The following DCC variants were observed in gnomAD, a reference collection of about 807,000 sequenced individuals.
DCC encodes the protein DCC netrin 1 receptor.
A neutral mutation model predicts 172.5 loss-of-function variants in DCC; 58 were observed. That is an observed-to-expected ratio of 0.34 (90% CI 0.27 to 0.42). The LOEUF is 0.42. Ranked by LOEUF, DCC falls within the 10% of genes least tolerant of loss-of-function variation. The pLI is 1.00. For synonymous variants in DCC, 709 were observed against 644.5 expected, an observed-to-expected ratio of 1.10 and a Z score of -1.52; for missense variants, 1,740 against 1,791.0, an observed-to-expected ratio of 0.97 and a Z score of 0.51.
At chr18:53,328,604 G>A (rs1322046043) in intron 14 of DCC, among the ~76,000 whole-genome samples, 2 of 151,534 alleles carry the variant, frequency 1.3e-5, no homozygotes, top group Non-Finnish European at 2.9e-5. Context: ...GTGTGATCTC[G>A]GCTCACTGCA....
In DCC at chr18:53,473,031, T is replaced by C. The variant is rs575808563; in HGVS notation, c.3736+5021T>C. 2.6e-5 allele frequency among the ~76,000 whole-genome samples: 4 copies of C among 152,334 alleles called. No individual in the cohort carries two copies. In the South Asian group the frequency reaches 8.3e-4, roughly 32 times the overall value. Reference sequence around the variant, plus strand: ...CATATTTCTTTCCTTTTGAAATGACTCAGTGGATAGCTCAACCTAAGAAGT... The same window carrying C: ...CATATTTCTTTCCTTTTGAAATGACCCAGTGGATAGCTCAACCTAAGAAGT... On this transcript the variant is annotated intron_variant, in intron 25 of 28. Coordinates refer to ENST00000442544, the MANE Select transcript of DCC (RefSeq NM_005215.4).
At position 52,340,633 on chromosome 18, in the gene DCC, G is replaced by T; in HGVS notation, c.-155G>T. The T allele has an allele frequency of 1.3e-6, 1 of 751,752 alleles. No homozygotes were observed. The highest frequency in any genetic ancestry group is 2.4e-6 in the Non-Finnish European group (1 of 408,704). 46.6% of individuals were successfully genotyped at this position (751,752 alleles called of 1,614,324 possible). A position where few individuals can be genotyped will look rare whatever the true frequency, so the allele number is the denominator to read the frequency against. On this transcript the variant is annotated 5_prime_UTR_variant, in exon 1 of 29. Transcript: ENST00000442544. Reference sequence around the variant, plus strand: ...CTTCGAAGGCAGCAGAGGCGCAGGGGAGGTGGAGAAAGAGGTGGAGGAAGA... The same window carrying T: ...CTTCGAAGGCAGCAGAGGCGCAGGGTAGGTGGAGAAAGAGGTGGAGGAAGA...
intron 10 of DCC, among the ~76,000 whole-genome samples, chr18:53,206,708 C>T (rs1276055549): frequency 6.8e-6 from 1 of 147,552 alleles, no homozygotes; most frequent in Non-Finnish European, 1.5e-5. Flanking sequence ...TATTTACTTC[C>T]AGATTCTCAA....
At chr18:53,159,627 A>T (rs1235985054) in intron 8 of DCC, among the ~76,000 whole-genome samples, 1 of 152,136 alleles carries the variant, frequency 6.6e-6, no homozygotes, top group East Asian at 1.9e-4. Flanking sequence ...GACTTCTTTC[A>T]ATGGAAGTCT....
chr18:52,999,262 A>G (rs1297543308), intron 5 of DCC, among the ~76,000 whole-genome samples: 1 of 152,018 alleles, frequency 6.6e-6, no homozygotes, highest in Admixed American at 6.6e-5. Flanking sequence ...GTAAAACAGC[A>G]CAAGCTCTAC....
intron 18 of DCC, among the ~76,000 whole-genome samples, chr18:53,400,122 A>G (rs1909206357): frequency 6.6e-6 from 1 of 152,164 alleles, no homozygotes; most frequent in African/African-American, 2.4e-5. Flanking sequence ...AATATCAGAA[A>G]TATAATCATA....
intron 2 of DCC, among the ~76,000 whole-genome samples, chr18:52,832,849 TGTA>T (rs1371610183): frequency 1.3e-5 from 2 of 152,144 alleles, no homozygotes; most frequent in African/African-American, 4.8e-5. Context: ...TCATTACTAA[TGTA>T]GTAAGCAAGG....
chr18:52,658,951 G>T (rs566926898), intron 1 of DCC, among the ~76,000 whole-genome samples: 2 of 152,226 alleles, frequency 1.3e-5, no homozygotes, highest in East Asian at 1.9e-4. Context: ...TTCATTACTT[G>T]CCCTTCAATA....
At chr18:52,588,679 G>A (rs1389151160) in intron 1 of DCC, among the ~76,000 whole-genome samples, 1 of 152,104 alleles carries the variant, frequency 6.6e-6, no homozygotes, top group Non-Finnish European at 1.5e-5. Flanking sequence ...ACAGTTTTGG[G>A]GGAGAAAAGA....
At chr18:52,373,571 G>A (rs1158611774) in intron 1 of DCC, among the ~76,000 whole-genome samples, 2 of 152,148 alleles carry the variant, frequency 1.3e-5, no homozygotes, top group Non-Finnish European at 2.9e-5. Flanking sequence ...GGCTCTCCCT[G>A]TACATTGTGG....
intron 5 of DCC, among the ~76,000 whole-genome samples, chr18:53,036,679 T>C (rs893473706): frequency 6.6e-6 from 1 of 152,032 alleles, no homozygotes; most frequent in Non-Finnish European, 1.5e-5. Flanking sequence ...GTAGCATAGG[T>C]AGCTGAATGC....
intron 1 of DCC, among the ~76,000 whole-genome samples, chr18:52,496,581 G>T (rs559110961): frequency 5.9e-5 from 9 of 152,180 alleles, no homozygotes; most frequent in African/African-American, 2.2e-4. Context: ...CTGTAGCTTT[G>T]GGTCTCAGTA....
chr18:52,610,380 A>AAT (rs1436501868), intron 1 of DCC, among the ~76,000 whole-genome samples: 1 of 73,568 alleles, frequency 1.4e-5, no homozygotes, highest in Non-Finnish European at 3.1e-5. Context: ...ACTCTGTCTC[A>AAT]ACAAAAAAAA....
At chr18:53,172,146 A>G (rs2055023462) in intron 8 of DCC, among the ~76,000 whole-genome samples, 1 of 152,180 alleles carries the variant, frequency 6.6e-6, no homozygotes, top group Admixed American at 6.5e-5. Flanking sequence ...AGCCTTAACA[A>G]GGAATGAAAT....
intron 1 of DCC, among the ~76,000 whole-genome samples, chr18:52,544,456 T>TTCC (rs1555695613): frequency 1.3e-5 from 2 of 151,660 alleles, no homozygotes; most frequent in East Asian, 3.9e-4. Context: ...TCTTTCTTTT[T>TTCC]TTTTTTTGTG....
chr18:53,162,617 T>C (rs758768848), intron 8 of DCC, among the ~76,000 whole-genome samples: 1 of 152,194 alleles, frequency 6.6e-6, no homozygotes, highest in Non-Finnish European at 1.5e-5. Context: ...TCTTCCTCTA[T>C]TGAGATCTTT....
In DCC at chr18:53,398,444, A is replaced by T. The variant is rs558842235; in HGVS notation, c.2827+998A>T. Among the ~76,000 whole-genome samples, 8 of 152,206 alleles carry T rather than the reference A, an allele frequency of 5.3e-5. No individual in the cohort carries two copies. In the South Asian group the frequency reaches 1.7e-3, roughly 32 times the overall value. On this transcript the variant is annotated intron_variant, in intron 18 of 28. Coordinates refer to ENST00000442544, the MANE Select transcript of DCC (RefSeq NM_005215.4). ...ACCTGTTATTATCTCTTCTTCTCAGAATTCCACCCTGAATGCACAATGTTC... is the reference window on the plus strand; with the variant it reads ...ACCTGTTATTATCTCTTCTTCTCAGTATTCCACCCTGAATGCACAATGTTC...
chr18:53,101,961 T>C (rs761297355), intron 7 of DCC, among the ~76,000 whole-genome samples: 41 of 152,202 alleles, frequency 2.7e-4, no homozygotes, highest in Middle Eastern at 3.4e-3. Flanking sequence ...GAAAAGGGCA[T>C]ATCTCCTCTG....
intron 3 of DCC, among the ~76,000 whole-genome samples, chr18:52,916,287 G>T (rs1205067957): frequency 6.6e-6 from 1 of 151,454 alleles, no homozygotes; most frequent in African/African-American, 2.4e-5. Flanking sequence ...TTCACACTTG[G>T]ATACTTGTTA....
Sources: allele counts gnomAD v4.1 joint callset (sites outside exome capture counted in the v4.1 genomes callset), GRCh38; gene constraint gnomAD v4.1.1; transcripts MANE v1.5; gene names NCBI Gene and HGNC (gene_info 2026-07-23, HGNC 2026-07-21).